Variants in CREB5 observed in about 807,000 individuals in gnomAD.
The protein encoded by CREB5 is cyclic AMP-responsive element-binding protein 5.
Under a neutral mutation model 57.1 loss-of-function variants are expected in CREB5, and 19 were observed. That is an observed-to-expected ratio of 0.33 (90% confidence interval 0.23 to 0.49). CREB5 has a LOEUF of 0.49. Among genes scored for constraint, CREB5 ranks in the 20% least tolerant of loss-of-function variants. The pLI, the probability that CREB5 is intolerant of heterozygous loss-of-function variation, is 0.99. For synonymous variants in CREB5, 238 were observed against 238.3 expected (o/e 1.00, Z 0.01); for missense variants, 579 against 671.6 (o/e 0.86, Z 1.52).
At chr7:28,410,339 C>T (rs1213733421), upstream of CREB5, 1 of 456,708 alleles carries the variant, frequency 2.2e-6, no homozygotes, top group Non-Finnish European at 4.4e-6. Flanking sequence ...ACAGCTCCGG[C>T]TCGAGCTTTG....
intron 1 of CREB5, among the ~76,000 whole-genome samples, chr7:28,301,894 T>G (rs1218219203): frequency 6.6e-6 from 1 of 152,188 alleles, no homozygotes; most frequent in Non-Finnish European, 1.5e-5. Flanking sequence ...CTTAAAAAAT[T>G]TCACCTTGAG....
chr7:28,436,842 T>G (rs1448266267), intron 1 of CREB5, among the ~76,000 whole-genome samples: 3 of 152,138 alleles, frequency 2.0e-5, no homozygotes, highest in African/African-American at 7.2e-5. Context: ...GAAAGTGGGA[T>G]AATGGGATGT....
At position 28,349,164 on chromosome 7, in the gene CREB5, C is replaced by T. The variant is rs558506555; in HGVS notation, c.-25+49723C>T. Among the ~76,000 whole-genome samples, 6 of 152,158 alleles carry T rather than the reference C, an allele frequency of 3.9e-5. No homozygotes were observed. In the South Asian group the frequency reaches 8.3e-4, roughly 21 times the overall value. On this transcript the variant is annotated intron_variant, in intron 1 of 9. Coordinates refer to the CREB5 transcript ENST00000396299. ...TCAGTGATGCCTGGGTGGAGAGGAACGGTTTGATTTTTCTGTAATTTTGAA... is the reference window on the plus strand; with the variant it reads ...TCAGTGATGCCTGGGTGGAGAGGAATGGTTTGATTTTTCTGTAATTTTGAA...
In CREB5 at chr7:28,776,420, ATTT is replaced by A. The variant is rs540116941; in HGVS notation, c.703-27774_703-27772del. Among the ~76,000 whole-genome samples, 134 of 152,028 alleles carry A rather than the reference ATTT, an allele frequency of 8.8e-4. 1 individual carries two copies. Among genetic ancestry groups the A allele is most frequent in the African/African-American group, 3.1e-3 (129 of 41,516 alleles). ...ACCCATTATATTCAGAAAACTTTGA[ATTT>A]TTTTAGTTCAGAATTTGACATGAAA... is the stretch of plus-strand genomic sequence containing the variant. On this transcript the variant is annotated intron_variant, in intron 7 of 10. Transcript: ENST00000357727.
rs2128738302 is a variant in CREB5, at chr7:28,702,734, T to A, written c.465-16019T>A. Among the ~76,000 whole-genome samples, 2 of 152,270 alleles carry A rather than the reference T, an allele frequency of 1.3e-5. 1 individual carries two copies. The highest frequency in any genetic ancestry group is 6.8e-3 in the Middle Eastern group (2 of 294). ...TATTAATATGTTATTAGAAATAGCA[T>A]GAAGGAAAACCACAGGGGCCTATGT... is the stretch of plus-strand genomic sequence containing the variant. On this transcript the variant is annotated intron_variant, in intron 5 of 10. Transcript: ENST00000357727.
intron 1 of CREB5, among the ~76,000 whole-genome samples, chr7:28,486,436 G>C (rs77253592): frequency 0.019 from 2,901 of 151,524 alleles, 90 homozygotes; most frequent in African/African-American, 0.065. Flanking sequence ...CAGGGTCCAA[G>C]GTGACTTGTG....
At chr7:28,580,592 T>TGTGTGTGTGA (rs371355013) in intron 5 of CREB5, among the ~76,000 whole-genome samples, 1 of 143,854 alleles carries the variant, frequency 7.0e-6, no homozygotes, top group African/African-American at 2.6e-5. Flanking sequence ...TGTGTGTGTG[T>TGTGTGTGTGA]GAGAGAGAGA....
intron 7 of CREB5, among the ~76,000 whole-genome samples, chr7:28,790,152 A>C (rs1807578112): frequency 6.6e-6 from 1 of 152,238 alleles, no homozygotes; most frequent in African/African-American, 2.4e-5. Flanking sequence ...CTTTGTTTAC[A>C]AATTGAATTT....
At chr7:28,595,177 A>G (rs201487819) in intron 5 of CREB5, among the ~76,000 whole-genome samples, 2 of 152,092 alleles carry the variant, frequency 1.3e-5, no homozygotes, top group East Asian at 3.8e-4. Flanking sequence ...AATATTTCTC[A>G]GAAAAATCTT....
intron 1 of CREB5, among the ~76,000 whole-genome samples, chr7:28,426,232 C>T (rs968345939): frequency 6.6e-6 from 1 of 152,176 alleles, no homozygotes; most frequent in Non-Finnish European, 1.5e-5. Context: ...TTTTTTATAG[C>T]TAAGGAAAAT....
intron 9 of CREB5, among the ~76,000 whole-genome samples, chr7:28,813,587 G>A (rs1038820486): frequency 1.3e-5 from 2 of 152,158 alleles, no homozygotes; most frequent in Non-Finnish European, 2.9e-5. Context: ...AGGGTATATT[G>A]TAGAGCCCAT....
chr7:28,518,229 C>T (rs1336888864), intron 4 of CREB5, among the ~76,000 whole-genome samples: 1 of 152,150 alleles, frequency 6.6e-6, no homozygotes, highest in East Asian at 1.9e-4. Flanking sequence ...CCGAATCCTG[C>T]CTGAGTTGGT....
At chr7:28,576,953 C>G (rs1433282881) in intron 5 of CREB5, among the ~76,000 whole-genome samples, 1 of 152,196 alleles carries the variant, frequency 6.6e-6, no homozygotes, top group Non-Finnish European at 1.5e-5. Context: ...TCTGTGCTTA[C>G]AGTAAATCTA....
At chr7:28,497,929 G>T (rs1293187119) in intron 3 of CREB5, among the ~76,000 whole-genome samples, 1 of 152,144 alleles carries the variant, frequency 6.6e-6, no homozygotes, top group Non-Finnish European at 1.5e-5. Context: ...AAGCTTCAGA[G>T]AATACTTTTA....
At chr7:28,306,568 T>TTTTTTTTTTTTTTTTTTTTTTGTTTG (rs1785191302) in intron 1 of CREB5, among the ~76,000 whole-genome samples, 2 of 132,714 alleles carry the variant, frequency 1.5e-5, no homozygotes, top group Non-Finnish European at 3.2e-5. Flanking sequence ...TTTTTTTTTT[T>TTTTTTTTTTTTTTTTTTTTTTGTTTG]TTTTTTTTTT....
intron 5 of CREB5, among the ~76,000 whole-genome samples, chr7:28,592,938 A>G (rs1403677485): frequency 6.6e-6 from 1 of 152,242 alleles, no homozygotes; most frequent in Non-Finnish European, 1.5e-5. Context: ...AGGTTAAGTT[A>G]CTTGCCCAAG....
intron 1 of CREB5, among the ~76,000 whole-genome samples, chr7:28,351,704 G>T (rs1331836913): frequency 6.6e-6 from 1 of 151,944 alleles, no homozygotes; most frequent in Non-Finnish European, 1.5e-5. Flanking sequence ...AATTTCCTAT[G>T]CACTTTCAAG....
At chr7:28,502,786 A>G (rs1177474778) in intron 3 of CREB5, among the ~76,000 whole-genome samples, 4 of 152,206 alleles carry the variant, frequency 2.6e-5, no homozygotes. Flanking sequence ...CTGGTATGTG[A>G]TGGGACCCCT....
intron 1 of CREB5, among the ~76,000 whole-genome samples, chr7:28,460,406 G>C (rs1790301879): frequency 6.6e-6 from 1 of 152,146 alleles, no homozygotes; most frequent in Admixed American, 6.5e-5. Context: ...CTAATTTACA[G>C]ATGAGGAAAC....
Sources: allele counts gnomAD v4.1 joint callset (sites outside exome capture counted in the v4.1 genomes callset), GRCh38; gene constraint gnomAD v4.1.1; transcripts MANE v1.5; gene names NCBI Gene and HGNC (gene_info 2026-07-23, HGNC 2026-07-21).